Variants in LIPA observed in about 807,000 individuals in gnomAD.
LIPA encodes lipase A, lysosomal acid type, also known as lysosomal acid lipase/cholesteryl ester hydrolase.
In LIPA, 26 loss-of-function variants were observed where a neutral mutation model predicts 40.6. The observed-to-expected ratio is 0.64, with a 90% CI of 0.47 to 0.89. The LOEUF (loss-of-function observed/expected upper bound fraction) is 0.89. Ranked by LOEUF, LIPA falls within the 40% of genes least tolerant of loss-of-function variation. The pLI, the probability that LIPA is intolerant of heterozygous loss-of-function variation, is 0.00. For synonymous variants in LIPA, 188 were observed against 168.4 expected (o/e 1.12, Z -0.90); for missense variants, 455 against 479.6 (o/e 0.95, Z 0.48).
intron 1 of LIPA, among the ~76,000 whole-genome samples, chr10:89,317,357 G>A (rs183286137): frequency 3.5e-4 from 53 of 152,316 alleles, no homozygotes; most frequent in Middle Eastern, 6.8e-3. Flanking sequence ...AATAAAGAGC[G>A]TAGAGAAGAC....
chr10:89,323,784 G>C (rs1414030770), intron 1 of LIPA, among the ~76,000 whole-genome samples: 1 of 152,106 alleles, frequency 6.6e-6, no homozygotes, highest in Non-Finnish European at 1.5e-5. Flanking sequence ...AGAAATCAGA[G>C]ATGACACAAA....
chr10:89,359,829 A>ACG, intron 2 of LIPA, among the ~76,000 whole-genome samples: 1 of 151,260 alleles, frequency 6.6e-6, no homozygotes, highest in Non-Finnish European at 1.5e-5. Flanking sequence ...ACACACACAC[A>ACG]CACACACACA....
chr10:89,383,225 G>C, intron 2 of LIPA: 3 of 1,097,380 alleles, frequency 2.7e-6, no homozygotes, highest in Non-Finnish European at 4.0e-6. Context: ...GGGAAATTAG[G>C]ATAGAGCATA....
intron 2 of LIPA, among the ~76,000 whole-genome samples, chr10:89,352,442 G>T (rs1843964267): frequency 6.6e-6 from 1 of 152,144 alleles, no homozygotes; most frequent in South Asian, 2.1e-4. Flanking sequence ...TCCCTTTCAT[G>T]AATATTCATG....
At chr10:89,384,702 T>A in intron 2 of LIPA, 4 of 1,613,936 alleles carry the variant, frequency 2.5e-6, no homozygotes, top group Non-Finnish European at 3.4e-6. Flanking sequence ...ATGAGAGGGC[T>A]CTGAGGCTGG....
intron 1 of LIPA, among the ~76,000 whole-genome samples, chr10:89,290,404 C>T (rs1046977035): frequency 6.6e-6 from 1 of 152,132 alleles, no homozygotes; most frequent in Non-Finnish European, 1.5e-5. Flanking sequence ...TGAGAAACAT[C>T]GCCCATTATC....
At chr10:89,364,531 G>A (rs1844044685) in intron 2 of LIPA, among the ~76,000 whole-genome samples, 1 of 151,934 alleles carries the variant, frequency 6.6e-6, no homozygotes, top group Non-Finnish European at 1.5e-5. Flanking sequence ...TATACTTTCA[G>A]ACTATTGAGA....
intron 1 of LIPA, among the ~76,000 whole-genome samples, chr10:89,319,408 C>T (rs1489067378): frequency 1.3e-5 from 2 of 152,268 alleles, no homozygotes; most frequent in East Asian, 1.9e-4. Context: ...GAAATACAAA[C>T]TATCATCAGA....
intron 1 of LIPA, chr10:89,285,378 C>T (rs1478486098): frequency 6.6e-6 from 1 of 152,240 alleles, no homozygotes; most frequent in Non-Finnish European, 1.5e-5. Flanking sequence ...ATTTCAATTC[C>T]TTTCCTTTTT....
chr10:89,248,082 G>A (rs1238566247), intron 1 of LIPA, among the ~76,000 whole-genome samples: 1 of 151,690 alleles, frequency 6.6e-6, no homozygotes, highest in African/African-American at 2.4e-5. Flanking sequence ...GGCTAGGCTG[G>A]TCTCGAACTC....
intron 1 of LIPA, among the ~76,000 whole-genome samples, chr10:89,304,007 G>T (rs1023818895): frequency 6.6e-6 from 1 of 152,306 alleles, no homozygotes; most frequent in Admixed American, 6.5e-5. Flanking sequence ...GTCCTGTTCT[G>T]ATCCTCCTGG....
intron 2 of LIPA, among the ~76,000 whole-genome samples, chr10:89,246,333 C>T (rs937695137): frequency 2.0e-5 from 3 of 152,132 alleles, no homozygotes; most frequent in Non-Finnish European, 4.4e-5. Flanking sequence ...AGGAAGGATT[C>T]ATGGGACAAT....
chr10:89,373,596 T>C (rs922386581), intron 2 of LIPA, among the ~76,000 whole-genome samples: 19 of 152,130 alleles, frequency 1.2e-4, no homozygotes, highest in African/African-American at 4.6e-4. Flanking sequence ...CTTTCTGGTA[T>C]TGCATGGATT....
chr10:89,251,157 A>C (rs1843113722), intron 1 of LIPA, among the ~76,000 whole-genome samples: 1 of 152,148 alleles, frequency 6.6e-6, no homozygotes, highest in Non-Finnish European at 1.5e-5. Flanking sequence ...AGCGCTTCTG[A>C]TCTACTGTCA....
intron 2 of LIPA, among the ~76,000 whole-genome samples, chr10:89,372,243 T>C (rs182299334): frequency 4.2e-4 from 64 of 152,310 alleles, no homozygotes; most frequent in African/African-American, 1.5e-3. Context: ...GCCTTTCCCC[T>C]AGTGTGTGCA....
intron 1 of LIPA, among the ~76,000 whole-genome samples, chr10:89,257,088 C>T (rs2133484469): frequency 6.6e-6 from 1 of 152,286 alleles, no homozygotes; most frequent in East Asian, 1.9e-4. Flanking sequence ...AATCAATTGT[C>T]CTTGGCTACG....
chr10:89,248,650 T>C (rs1277008001), intron 1 of LIPA, among the ~76,000 whole-genome samples: 2 of 143,742 alleles, frequency 1.4e-5, no homozygotes, highest in Non-Finnish European at 3.0e-5. Flanking sequence ...AATTTTTTTG[T>C]ATTTTTTTTT....
intron 1 of LIPA, chr10:89,293,508 A>C (rs2133510335): frequency 6.6e-6 from 1 of 152,224 alleles, no homozygotes; most frequent in South Asian, 2.1e-4. Flanking sequence ...ATTAGTCTAC[A>C]TTGGCTGCCA....
rs116415940 is a variant in LIPA at position 89,292,833 on chromosome 10, G to C, written c.-1-45184C>G. ...GCTACTTTTTTTTTTTTTAATTGTA[G>C]AGATAGGGTCTTGCTATGTTGCCCA... On this transcript the variant is annotated intron_variant, in intron 1 of 5. Transcript: ENST00000282673. 7.3e-3 allele frequency among the ~76,000 whole-genome samples: 1,099 copies of C among 151,056 alleles called. 16 individuals carry two copies. Among genetic ancestry groups the C allele is most frequent in the African/African-American group, 0.025 (1,020 of 41,130 alleles).
Sources: allele counts gnomAD v4.1 joint callset (sites outside exome capture counted in the v4.1 genomes callset), GRCh38; gene constraint gnomAD v4.1.1; transcripts MANE v1.5; gene names NCBI Gene and HGNC (gene_info 2026-07-23, HGNC 2026-07-21).